The following TSC22D2 variants were observed in gnomAD, a reference collection of about 807,000 sequenced individuals.
TSC22D2 encodes TSC22 domain family member 2, also known as TSC22 domain family protein 2.
In TSC22D2, 5 loss-of-function variants were observed where a neutral mutation model predicts 50.1. That is an observed-to-expected ratio of 0.10 (90% confidence interval 0.05 to 0.21). The LOEUF (loss-of-function observed/expected upper bound fraction) is 0.21, where lower values mean the gene tolerates loss of function less well. Among genes scored for constraint, TSC22D2 ranks in the 10% least tolerant of loss-of-function variants. The pLI is 1.00. For missense variants in TSC22D2, 1,003 were observed against 1,015.5 expected, an observed-to-expected ratio of 0.99 and a Z score of 0.17; for synonymous variants, 501 against 450.1, an observed-to-expected ratio of 1.11 and a Z score of -1.43.
rs1042787400 is a variant in TSC22D2 at position 150,411,340 on chromosome 3, G to A, written c.1958+32G>A. ...AAATCTCTATTTTAAATATTTGATAGAAATGCTTGGCCAACATTGTAGCTT... is the reference window on the plus strand; with the variant it reads ...AAATCTCTATTTTAAATATTTGATAAAAATGCTTGGCCAACATTGTAGCTT... On this transcript the variant is annotated intron_variant, in intron 1 of 2. Coordinates refer to ENST00000688009, the MANE Select transcript of TSC22D2 (RefSeq NM_001303264.2). The A allele has an allele frequency of 5.8e-6, 9 of 1,558,696 alleles. No individual in the cohort carries two copies. The African/African-American group carries it at 1.2e-4, about 21-fold the overall frequency.
chr3:150,427,687 G>A (rs766940418), intron 1 of TSC22D2, among the ~76,000 whole-genome samples: 5 of 151,982 alleles, frequency 3.3e-5, no homozygotes, highest in African/African-American at 7.2e-5. Context: ...TCCACTAAAA[G>A]ACATCTAGTA....
Position 150,409,839 on chromosome 3 carries a change from C to T in TSC22D2, c.489C>T (p.Arg163=), listed in dbSNP as rs2108052984. 1.9e-6 allele frequency: 3 copies of T among 1,607,486 alleles called. No homozygotes were observed. The highest frequency in any genetic ancestry group is 4.5e-5 in the East Asian group (2 of 44,860). ...CCACCACATGTAGTTCCCGTTTTCG[C>T]GTGATCAAGCTGGACCACGGGAGCG... ...QPPTTCSSRF[R]VIKLDHGSGE... is the part of the protein sequence containing the mutation. Residue 163 remains arginine (R), a synonymous_variant, in exon 1 of 3, where the codon CGC becomes CGT. Transcript: ENST00000688009. This position sits in a 1 kb window ranked among gnomAD's most constrained non-coding sequence, Gnocchi z 7.4.
intron 1 of TSC22D2, among the ~76,000 whole-genome samples, chr3:150,428,070 A>G (rs1720252624): frequency 6.6e-6 from 1 of 152,050 alleles, no homozygotes; most frequent in Non-Finnish European, 1.5e-5. Context: ...TCCAGGATCC[A>G]ATTCAGGATT....
intron 1 of TSC22D2, among the ~76,000 whole-genome samples, chr3:150,420,627 C>G (rs1417587841): frequency 1.3e-5 from 2 of 152,170 alleles, no homozygotes; most frequent in Non-Finnish European, 2.9e-5. Context: ...CAAATATGTT[C>G]GTTTTTCACC....
At chr3:150,412,775 A>G (rs975329276) in intron 1 of TSC22D2, among the ~76,000 whole-genome samples, 3 of 152,222 alleles carry the variant, frequency 2.0e-5, no homozygotes, top group Non-Finnish European at 4.4e-5. Context: ...CTACTTTTAT[A>G]GTTGCTCCCA....
intron 1 of TSC22D2, among the ~76,000 whole-genome samples, chr3:150,420,005 A>G (rs1719953713): frequency 6.6e-6 from 1 of 152,190 alleles, no homozygotes; most frequent in Non-Finnish European, 1.5e-5. Context: ...CCACAGCTGC[A>G]TAAAAAGTCA....
chr3:150,416,824 A>G (rs1302396913), intron 1 of TSC22D2, among the ~76,000 whole-genome samples: 2 of 152,120 alleles, frequency 1.3e-5, no homozygotes, highest in African/African-American at 4.8e-5. Context: ...GTATTGCATG[A>G]TTTCTGCTCT....
chr3:150,411,399 G>C, intron 1 of TSC22D2, 91 bp downstream of exon 1: 1 of 1,348,402 alleles, frequency 7.4e-7, no homozygotes, highest in Non-Finnish European at 1.0e-6. Context: ...TGTCAACGGA[G>C]GCCCTTAGCA....
chr3:150,435,473 C>T (rs1576550360), intron 1 of TSC22D2, among the ~76,000 whole-genome samples: 1 of 152,140 alleles, frequency 6.6e-6, no homozygotes, highest in East Asian at 1.9e-4. Context: ...TCCCCCCTTT[C>T]TCCATTTAAA....
chr3:150,409,601 T>A lies in TSC22D2; in HGVS notation c.251T>A (p.Val84Asp), dbSNP rs1658685831. 5 of 1,602,526 alleles carry A rather than the reference T, an allele frequency of 3.1e-6. No individual in the cohort carries two copies. The highest frequency in any genetic ancestry group is 4.3e-6 in the Non-Finnish European group (5 of 1,171,758). The change falls in exon 1 of 3, where the codon GTC (valine) becomes GAC (aspartate). Residue 84 changes from valine (V) to aspartate (D), a missense_variant. Coordinates refer to ENST00000688009, the MANE Select transcript of TSC22D2 (RefSeq NM_001303264.2). The surrounding 1 kb of genome is among the most constrained non-coding windows in gnomAD (Gnocchi z 7.4). ...GGGGATGCGGAGACTCCCGGGACCGTCTCCCCAAACCTCCTCCTAGATGGG... is the reference window on the plus strand; with the variant it reads ...GGGGATGCGGAGACTCCCGGGACCGACTCCCCAAACCTCCTCCTAGATGGG... ...NVGDAETPGT[V>D]SPNLLLDGQL...
intron 1 of TSC22D2, among the ~76,000 whole-genome samples, chr3:150,444,555 C>T (rs1351336748): frequency 6.6e-6 from 1 of 152,138 alleles, no homozygotes; most frequent in Non-Finnish European, 1.5e-5. Context: ...GTGGAGCATT[C>T]CATCTCAAGT....
At chr3:150,435,413 A>G (rs16862644) in intron 1 of TSC22D2, among the ~76,000 whole-genome samples, 16,130 of 152,198 alleles carry the variant, frequency 0.11, 1,243 homozygotes, top group East Asian at 0.34. Flanking sequence ...TATATAACCT[A>G]TGGAATGACT....
chr3:150,424,270 T>C (rs1048003852), intron 1 of TSC22D2, among the ~76,000 whole-genome samples: 17 of 152,168 alleles, frequency 1.1e-4, no homozygotes, highest in African/African-American at 3.6e-4. Flanking sequence ...TGAGATGAGA[T>C]AAACATGAAG....
At chr3:150,451,125 A>G in intron 1 of TSC22D2, among the ~76,000 whole-genome samples, 1 of 151,934 alleles carries the variant, frequency 6.6e-6, no homozygotes, top group South Asian at 2.1e-4. Flanking sequence ...TGTATTACAA[A>G]AGATTTGATT....
At chr3:150,438,900 C>A (rs1373042980) in intron 1 of TSC22D2, among the ~76,000 whole-genome samples, 1 of 151,990 alleles carries the variant, frequency 6.6e-6, no homozygotes, top group Admixed American at 6.6e-5. Context: ...TATTAGAAGT[C>A]ATTGCACATT....
At position 150,409,576 on chromosome 3, in the gene TSC22D2, G is replaced by C; in HGVS notation, c.226G>C (p.Gly76Arg). 1 of 1,599,972 alleles carries C rather than the reference G, an allele frequency of 6.3e-7. No individual in the cohort carries two copies. The highest frequency in any genetic ancestry group is 2.3e-5 in the East Asian group (1 of 44,398). Residue 76 changes from glycine (G) to arginine (R), a missense_variant, in exon 1 of 3, where the codon GGG (glycine) becomes CGG (arginine). Physicochemically the swap from Gly to Arg is moderately radical, Grantham distance 125. This residue lies in a region of TSC22D2 where 200 missense variants were observed against 182.8 expected (regional missense o/e 1.09). Transcript: ENST00000688009. The surrounding 1 kb of genome is among the most constrained non-coding windows in gnomAD (Gnocchi z 7.4). ...SSSEETLNNV[G>R]DAETPGTVSP... is the part of the protein sequence containing the mutation. ...TTCCGAAGAGACGCTTAACAATGTT[G>C]GGGATGCGGAGACTCCCGGGACCGT... is the stretch of plus-strand genomic sequence containing the variant.
At chr3:150,445,820 T>G (rs1313343425) in intron 1 of TSC22D2, among the ~76,000 whole-genome samples, 2 of 152,048 alleles carry the variant, frequency 1.3e-5, no homozygotes, top group Non-Finnish European at 2.9e-5. Flanking sequence ...GGATTAAAAG[T>G]CAGCTAGCCT....
At position 150,431,812 on chromosome 3, in the gene TSC22D2, T is replaced by G. The variant is rs1010353509; in HGVS notation, c.1958+20504T>G. ...AACATTTGGATATTAATGTGTCCCT[T>G]AGAAATTGAAGTATATTCATGTACT... On this transcript the variant is annotated intron_variant, in intron 1 of 2. Transcript: ENST00000688009. Among the ~76,000 whole-genome samples the G allele has an allele frequency of 1.6e-4, 24 of 152,208 alleles. 1 individual carries two copies. Among genetic ancestry groups the G allele is most frequent in the Non-Finnish European group, 3.4e-4 (23 of 68,046 alleles).
Position 150,409,662 on chromosome 3 carries a change from A to C in TSC22D2, c.312A>C (p.Gly104=). The C allele has an allele frequency of 2.5e-6, 4 of 1,601,922 alleles. No individual in the cohort carries two copies. Among genetic ancestry groups the C allele is most frequent in the Non-Finnish European group, 2.6e-6 (3 of 1,174,280 alleles). ...CGGCGGCTGCTGCTCCCGCCAACGG[A>C]GGAGGAGTCGTTTCGGCCCGGAGCG... The part of the protein sequence containing the change: ...LAAAAAAPAN[G]GGVVSARSVS... The change falls in exon 1 of 3, where the codon GGA becomes GGC. Residue 104 remains glycine (G), a synonymous_variant. Transcript: ENST00000688009. This position sits in a 1 kb window ranked among gnomAD's most constrained non-coding sequence, Gnocchi z 7.4.
Sources: allele counts gnomAD v4.1 joint callset (sites outside exome capture counted in the v4.1 genomes callset), GRCh38; gene constraint gnomAD v4.1.1; regional missense constraint gnomAD v4.1.1; non-coding constraint Gnocchi (gnomAD v3.1); transcripts MANE v1.5; gene names NCBI Gene and HGNC (gene_info 2026-07-23, HGNC 2026-07-21).